FAM161B: variants seen among roughly 807,000 people sequenced by gnomAD.
The protein encoded by FAM161B is FAM161 centrosomal protein B.
In FAM161B, 46 loss-of-function variants were observed where a neutral mutation model predicts 61.5. The observed-to-expected ratio is 0.75, with a 90% CI of 0.59 to 0.96. The LOEUF (loss-of-function observed/expected upper bound fraction) is 0.96, where lower values mean the gene tolerates loss of function less well. FAM161B is among the 40% of genes least tolerant of loss of function. The pLI is 0.00. For synonymous variants in FAM161B, 284 were observed against 302.7 expected (o/e 0.94, Z 0.64); for missense variants, 774 against 800.7 (o/e 0.97, Z 0.40).
intron 5 of FAM161B, 61 bp from the exon 6 acceptor site, chr14:73,938,173 C>G (rs2055987014): frequency 6.3e-7 from 1 of 1,583,760 alleles, no homozygotes; most frequent in South Asian, 1.2e-5. Flanking sequence ...GAAAAGCAAT[C>G]TTAGGCCAGG....
rs978835367 is a variant in FAM161B at position 73,940,946 on chromosome 14, C to A, written c.1380G>T (p.Arg460Ser). The change falls in exon 5 of 9, where the codon AGG becomes AGT. Residue 460 changes from arginine to serine, a missense_variant. Physicochemically the swap from Arg to Ser is moderately radical, Grantham distance 110 (BLOSUM62 -1). Transcript: ENST00000286544. The part of the protein sequence containing the change: ...TLPVHITDAT[R>S]KRESAVRSAL... ...CTCACCTGACTGCAGATTCCCTCTT[C>A]CTGGTGGCATCTGTGATGTGCACAG... The A allele has an allele frequency of 6.2e-6, 10 of 1,612,228 alleles. No individual in the cohort carries two copies. Among genetic ancestry groups the A allele is most frequent in the Non-Finnish European group, 7.6e-6 (9 of 1,179,206 alleles).
rs1375999363 is a variant in FAM161B, at chr14:73,934,333, C to T, written c.1867G>A (p.Glu623Lys). The T allele has an allele frequency of 4.3e-6, 7 of 1,614,088 alleles. No homozygotes were observed. Among genetic ancestry groups the T allele is most frequent in the Non-Finnish European group, 5.9e-6 (7 of 1,180,012 alleles). The part of the protein sequence containing the change: ...DPEQGLEGSL[E>K]QPASPRKVLE... ...ACTTTCCTGGGGCTTGCAGGCTGTT[C>T]TAGAGATCCTTCTAAACCCTGCTCT... is the stretch of plus-strand genomic sequence containing the variant. The change falls in exon 9 of 9, where the codon GAA becomes AAA. Residue 623 changes from glutamate (E) to lysine (K), a missense_variant. Coordinates refer to ENST00000286544, the MANE Select transcript of FAM161B (RefSeq NM_152445.3).
chr14:73,942,415 C>A lies in FAM161B; in HGVS notation c.1226G>T (p.Arg409Leu). The change falls in exon 4 of 9, where the codon CGC becomes CTC. Residue 409 changes from arginine to leucine, a missense_variant. Physicochemically the swap from Arg to Leu is moderately radical, Grantham distance 102 (BLOSUM62 -2). Coordinates refer to ENST00000286544, the MANE Select transcript of FAM161B (RefSeq NM_152445.3). ...KPFLLRTANL[R>L]HPQRPCDAAT... Reference sequence around the variant, plus strand: ...AGCATCACAGGGCCGCTGAGGGTGGCGCAGGTTGGCGGTCCTCAGCAAGAA... The same window carrying A: ...AGCATCACAGGGCCGCTGAGGGTGGAGCAGGTTGGCGGTCCTCAGCAAGAA... 2 of 1,614,148 alleles carry A rather than the reference C, an allele frequency of 1.2e-6. No homozygotes were observed. Among genetic ancestry groups the A allele is most frequent in the Non-Finnish European group, 1.7e-6 (2 of 1,180,038 alleles).
chr14:73,932,719 C>G lies in FAM161B; in HGVS notation c.*1537G>C, dbSNP rs2336548. 0.51 allele frequency: 161,533 copies of G among 314,130 alleles called. 42,202 individuals carry two copies. Among genetic ancestry groups the G allele is most frequent in the South Asian group, 0.61 (22,995 of 37,398 alleles). The allele number at this position is 314,130 out of a possible 1,614,324, so 19.5% of individuals were successfully genotyped here. ...AGCTCAATGTAACCTTGAACTCCTA[C>G]GCTCAAGGCATCCTCCCACCTCAGC... On this transcript the variant is annotated 3_prime_UTR_variant, in exon 9 of 9. Transcript: ENST00000286544.
At chr14:73,941,427 C>A (rs2056018051) in intron 4 of FAM161B, among the ~76,000 whole-genome samples, 1 of 151,788 alleles carries the variant, frequency 6.6e-6, no homozygotes, top group African/African-American at 2.4e-5. Context: ...CAGCCATTTT[C>A]TATCTTTACT....
At chr14:73,948,369 C>T (rs2056085887) in intron 1 of FAM161B, among the ~76,000 whole-genome samples, 1 of 152,242 alleles carries the variant, frequency 6.6e-6, no homozygotes, top group Non-Finnish European at 1.5e-5. Flanking sequence ...ATGCTCTTGC[C>T]GTTGGCATTA....
chr14:73,945,331 T>C (rs12434704), intron 2 of FAM161B, among the ~76,000 whole-genome samples: 62,794 of 152,144 alleles, frequency 0.41, 13,714 homozygotes, highest in South Asian at 0.49. Context: ...CTTTATCTCA[T>C]TCAATATTTA....
At chr14:73,945,083 T>C (rs564851042) in intron 2 of FAM161B, among the ~76,000 whole-genome samples, 198 bp from the exon 3 acceptor site, 17 of 152,312 alleles carry the variant, frequency 1.1e-4, no homozygotes, top group African/African-American at 1.4e-4. Context: ...CTTCTCAGAA[T>C]TGATCCAAGA....
the FAM161B span, chr14:73,923,533 C>G: frequency 6.2e-7 from 1 of 1,607,766 alleles, no homozygotes; most frequent in Non-Finnish European, 8.5e-7. Flanking sequence ...GTAAAGTGGT[C>G]TCTTGCCCTT....
chr14:73,940,907 G>C lies in FAM161B; in HGVS notation c.1400+19C>G. 6.2e-7 allele frequency: 1 copy of C among 1,601,300 alleles called. No homozygotes were observed. Among genetic ancestry groups the C allele is most frequent in the African/African-American group, 1.3e-5 (1 of 74,386 alleles). ...GGGCCAGAATCAGAGCATGGGTCTC[G>C]TGCAGCCTGACCACTCACCTGACTG... is the stretch of plus-strand genomic sequence containing the variant. On this transcript the variant is annotated intron_variant, in intron 5 of 8. Coordinates refer to ENST00000286544, the MANE Select transcript of FAM161B (RefSeq NM_152445.3).
chr14:73,938,045 ACTTCTTTTTGT>A lies in FAM161B; in HGVS notation c.1457_1467del (p.His486LeufsTer19). On this transcript the variant is annotated frameshift_variant, in exon 6 of 9. Transcript: ENST00000286544. LOFTEE classifies it high-confidence loss of function. ...GTCACAGATTTGGACATTGCTTGAG[ACTTCTTTTTGT>A]GTATCTCCAGCCACTGAATACTCTC... 6.2e-7 allele frequency: 1 copy of A among 1,613,846 alleles called. No homozygotes were observed. The highest frequency in any genetic ancestry group is 8.5e-7 in the Non-Finnish European group (1 of 1,179,944).
At chr14:73,923,001 A>G in the FAM161B span, among the ~76,000 whole-genome samples, 1 of 152,164 alleles carries the variant, frequency 6.6e-6, no homozygotes, top group East Asian at 1.9e-4. Context: ...AACATTTAGT[A>G]ACTGTGAGAC....
At chr14:73,939,423 A>C (rs1438860502) in intron 5 of FAM161B, among the ~76,000 whole-genome samples, 8 of 152,242 alleles carry the variant, frequency 5.3e-5, no homozygotes, top group Non-Finnish European at 1.2e-4. Context: ...AAGTACCATT[A>C]CATTTCACAT....
At chr14:73,941,699 T>C (rs1481583886) in intron 4 of FAM161B, among the ~76,000 whole-genome samples, 1 of 152,108 alleles carries the variant, frequency 6.6e-6, no homozygotes, top group Non-Finnish European at 1.5e-5. Flanking sequence ...AGTGTCCCTA[T>C]GGTTTCTGTT....
chr14:73,938,499 A>G (rs755648529), intron 5 of FAM161B, among the ~76,000 whole-genome samples: 14 of 147,650 alleles, frequency 9.5e-5, no homozygotes, highest in East Asian at 4.1e-4. Flanking sequence ...ATAGCCGGGC[A>G]TGGTGGCTCA....
At chr14:73,928,679 C>T (rs1229966645), downstream of FAM161B, among the ~76,000 whole-genome samples, 2 of 152,094 alleles carry the variant, frequency 1.3e-5, no homozygotes, top group Admixed American at 1.3e-4. Flanking sequence ...TGTGGTGGAT[C>T]ATGTCTATAA....
At chr14:73,930,578 A>C (rs189537639), downstream of FAM161B, among the ~76,000 whole-genome samples, 113 of 152,242 alleles carry the variant, frequency 7.4e-4, no homozygotes, top group Non-Finnish European at 1.5e-3. Context: ...TTTTGTTCTG[A>C]ATTTTACTGA....
Position 73,932,500 on chromosome 14 carries a change from C to CAGAT in FAM161B, c.*1752_*1755dup. On this transcript the variant is annotated 3_prime_UTR_variant, in exon 9 of 9. Transcript: ENST00000286544. ...GCATCTGAGAAAATGGCAATAAAAACAGATACTTCTGAATTTTTCCACAAA... is the reference window on the plus strand; with the variant it reads ...GCATCTGAGAAAATGGCAATAAAAACAGATAGATACTTCTGAATTTTTCCACAAA... 2.2e-6 allele frequency: 1 copy of CAGAT among 452,354 alleles called. No individual in the cohort carries two copies. Among genetic ancestry groups the CAGAT allele is most frequent in the Non-Finnish European group, 4.4e-6 (1 of 225,970 alleles). 28.0% of individuals were successfully genotyped at this position (452,354 alleles called of 1,614,324 possible). A position where few individuals can be genotyped will look rare whatever the true frequency, so the allele number is the denominator to read the frequency against.
downstream of FAM161B, among the ~76,000 whole-genome samples, chr14:73,931,315 C>G (rs2055910601): frequency 6.6e-6 from 1 of 152,156 alleles, no homozygotes; most frequent in South Asian, 2.1e-4. Flanking sequence ...TATGACATGG[C>G]TAAAGTGCTG....
Sources: allele counts gnomAD v4.1 joint callset (sites outside exome capture counted in the v4.1 genomes callset), GRCh38; gene constraint gnomAD v4.1.1; transcripts MANE v1.5; gene names NCBI Gene and HGNC (gene_info 2026-07-23, HGNC 2026-07-21).